MMRN2: variants seen among roughly 807,000 people sequenced by gnomAD.
MMRN2 encodes multimerin-2.
Under a neutral mutation model 68.8 loss-of-function variants are expected in MMRN2, and 53 were observed. The observed-to-expected ratio is 0.77, with a 90% CI of 0.62 to 0.97. The LOEUF (loss-of-function observed/expected upper bound fraction) is 0.97. Among genes scored for constraint, MMRN2 ranks in the 50% least tolerant of loss-of-function variants. The pLI is 0.00. For missense variants in MMRN2, 1,266 were observed against 1,259.5 expected, an observed-to-expected ratio of 1.01 and a Z score of -0.08; for synonymous variants, 564 against 551.6, an observed-to-expected ratio of 1.02 and a Z score of -0.32.
intron 6 of MMRN2, among the ~76,000 whole-genome samples, chr10:86,939,025 G>A (rs1843917865): frequency 6.6e-6 from 1 of 152,066 alleles, no homozygotes; most frequent in African/African-American, 2.4e-5. Flanking sequence ...AGCCAGGCGT[G>A]GTGGGGCATA....
intron 6 of MMRN2, among the ~76,000 whole-genome samples, chr10:86,941,824 AAAG>A (rs1328744735): frequency 7.6e-6 from 1 of 130,858 alleles, no homozygotes; most frequent in African/African-American, 2.9e-5. Flanking sequence ...AAGAAAAGAA[AAAG>A]AAAAAAAAAA....
At chr10:86,938,009 A>T (rs1016465542) in intron 6 of MMRN2, among the ~76,000 whole-genome samples, 2 of 152,284 alleles carry the variant, frequency 1.3e-5, no homozygotes, top group Non-Finnish European at 2.9e-5. Flanking sequence ...ATCATGGCTC[A>T]CTGCAGCCTC....
intron 6 of MMRN2, among the ~76,000 whole-genome samples, chr10:86,939,031 G>A (rs1843918014): frequency 6.6e-6 from 1 of 152,014 alleles, no homozygotes; most frequent in South Asian, 2.1e-4. Flanking sequence ...GCGTGGTGGG[G>A]CATACCTGTA....
In MMRN2 at chr10:86,942,703, A is replaced by C; in HGVS notation, c.2081T>G (p.Leu694Arg). The change falls in exon 6 of 7, where the codon CTG becomes CGG. Residue 694 changes from leucine (L) to arginine (R), a missense_variant. Leu to Arg is a moderately radical substitution (Grantham distance 102). Coordinates refer to ENST00000372027, the MANE Select transcript of MMRN2 (RefSeq NM_024756.3). ...CTGGAGCTCCCGCGCCAGCCCGGCCAGGGCGGTGGTGGCGGCCTCCTCGCG... is the reference window on the plus strand; with the variant it reads ...CTGGAGCTCCCGCGCCAGCCCGGCCCGGGCGGTGGTGGCGGCCTCCTCGCG... ...AGREEAATTA[L>R]AGLARELQSL... 1 of 1,525,554 alleles carries C rather than the reference A, an allele frequency of 6.6e-7. No individual in the cohort carries two copies. The highest frequency in any genetic ancestry group is 2.4e-5 in the East Asian group (1 of 41,422). The allele number at this position is 1,525,554 out of a possible 1,614,324, so 94.5% of individuals were successfully genotyped here.
rs376575577 is a variant in MMRN2 at position 86,943,814 on chromosome 10, G to A, written c.970C>T (p.Arg324Cys). Residue 324 changes from arginine (R) to cysteine (C), a missense_variant, in exon 6 of 7, where the codon CGC becomes TGC. Physicochemically the swap from Arg to Cys is radical, Grantham distance 180 (BLOSUM62 -3). Transcript: ENST00000372027. This position sits in a 1 kb window ranked among gnomAD's most constrained non-coding sequence, Gnocchi z 4.2. Reference sequence around the variant, plus strand: ...TCGGCTTGGAGCTCTGAGATCGAGCGGTGCAGGGTAAAGTGCTGGGCGTGC... The same window carrying A: ...TCGGCTTGGAGCTCTGAGATCGAGCAGTGCAGGGTAAAGTGCTGGGCGTGC... The part of the protein sequence containing the change: ...RLHAQHFTLH[R>C]SISELQADVD... 20 of 1,610,950 alleles carry A rather than the reference G, an allele frequency of 1.2e-5. No individual in the cohort carries two copies. The highest frequency in any genetic ancestry group is 2.7e-5 in the African/African-American group (2 of 74,930).
intron 1 of MMRN2, among the ~76,000 whole-genome samples, chr10:86,947,382 T>C (rs1844084767): frequency 6.6e-6 from 1 of 151,848 alleles, no homozygotes; most frequent in African/African-American, 2.4e-5. Flanking sequence ...ACTTTTTTTT[T>C]TTTGAGACGG....
At position 86,946,228 on chromosome 10, in the gene MMRN2, C is replaced by T. The variant is rs139134794; in HGVS notation, c.165-539G>A. Reference sequence around the variant, plus strand: ...TTCTCTTTCCCCATCTATACAATGGCGATCGTAATGCCCTCCTTTAAGTGG... The same window carrying T: ...TTCTCTTTCCCCATCTATACAATGGTGATCGTAATGCCCTCCTTTAAGTGG... On this transcript the variant is annotated intron_variant, in intron 1 of 6. Transcript: ENST00000372027. Among the ~76,000 whole-genome samples the T allele has an allele frequency of 3.3e-4, 50 of 152,330 alleles. No homozygotes were observed. In the East Asian group the frequency reaches 3.7e-3, roughly 11 times the overall value.
At position 86,937,070 on chromosome 10, in the gene MMRN2, T is replaced by C. The variant is rs768931481; in HGVS notation, c.2523A>G (p.Thr841=). 5.0e-6 allele frequency: 8 copies of C among 1,614,232 alleles called. No individual in the cohort carries two copies. The Admixed American group carries it at 1.2e-4, about 24-fold the overall frequency. ...TGATGTATGTGGTGTTGAACTTCACTGTCTGCAGGGCAGCCGTCCCTTCTG... is the reference window on the plus strand; with the variant it reads ...TGATGTATGTGGTGTTGAACTTCACCGTCTGCAGGGCAGCCGTCCCTTCTG... ...SFSEGTAALQ[T]VKFNTTYINI... is the part of the protein sequence containing the mutation. The change falls in exon 7 of 7, where the codon ACA becomes ACG. Residue 841 remains threonine (T), a synonymous_variant. Coordinates refer to ENST00000372027, the MANE Select transcript of MMRN2 (RefSeq NM_024756.3).
intron 1 of MMRN2, among the ~76,000 whole-genome samples, chr10:86,955,706 C>T (rs946447390): frequency 6.6e-6 from 1 of 152,190 alleles, no homozygotes; most frequent in African/African-American, 2.4e-5. Flanking sequence ...CCCAGGAAGC[C>T]GCGCGTTTCC....
At position 86,942,907 on chromosome 10, in the gene MMRN2, G is replaced by T. The variant is rs139300968; in HGVS notation, c.1877C>A (p.Thr626Lys). The change falls in exon 6 of 7, where the codon ACG becomes AAG. Residue 626 changes from threonine (T) to lysine (K), a missense_variant. Physicochemically the swap from Thr to Lys is moderately conservative, Grantham distance 78. Coordinates refer to ENST00000372027, the MANE Select transcript of MMRN2 (RefSeq NM_024756.3). ...EEVLEEMSEQ[T>K]PGPLPLSYEQ... ...GTAGCTCAGGGGCAGCGGTCCCGGC[G>T]TCTGCTCAGACATCTCCTCCAGCAC... The T allele has an allele frequency of 4.1e-6, 6 of 1,475,492 alleles. No homozygotes were observed. The African/African-American group carries it at 7.3e-5, about 18-fold the overall frequency. 91.4% of individuals were successfully genotyped at this position (1,475,492 alleles called of 1,614,324 possible).
rs1844028128 is a variant in MMRN2 at position 86,944,039 on chromosome 10, T to C, written c.745A>G (p.Asn249Asp). Residue 249 changes from asparagine to aspartate, a missense_variant, in exon 6 of 7, where the codon AAC becomes GAC. Coordinates refer to ENST00000372027, the MANE Select transcript of MMRN2 (RefSeq NM_024756.3). ...TGGGTAAGGCTGTGCAGGCTTTGGTTAAAGCTCCTCCAGATGGGGCTGAAA... is the reference window on the plus strand; with the variant it reads ...TGGGTAAGGCTGTGCAGGCTTTGGTCAAAGCTCCTCCAGATGGGGCTGAAA... ...VHFSPIWRSF[N>D]QSLHSLTQAI... 1 of 1,614,092 alleles carries C rather than the reference T, an allele frequency of 6.2e-7. No homozygotes were observed. Among genetic ancestry groups the C allele is most frequent in the South Asian group, 1.1e-5 (1 of 91,086 alleles).
chr10:86,939,839 TTGTGTGTGTG>T (rs1179394300), intron 6 of MMRN2, among the ~76,000 whole-genome samples: 3 of 120,290 alleles, frequency 2.5e-5, no homozygotes, highest in Non-Finnish European at 5.7e-5. Flanking sequence ...GTGTGTGTGT[TTGTGTGTGTG>T]TGTGTGTGTG....
chr10:86,941,152 G>A (rs1368105391), intron 6 of MMRN2, among the ~76,000 whole-genome samples: 1 of 152,226 alleles, frequency 6.6e-6, no homozygotes, highest in Non-Finnish European at 1.5e-5. Flanking sequence ...CCAGGAAGGG[G>A]ACTAGCACAG....
chr10:86,937,197 C>A (rs1843893181), intron 6 of MMRN2, 72 bp from the exon 7 acceptor site: 3 of 1,521,168 alleles, frequency 2.0e-6, no homozygotes, highest in Non-Finnish European at 2.7e-6. Flanking sequence ...ACCCTGAGAC[C>A]TACCGTCCTC....
At position 86,943,573 on chromosome 10, in the gene MMRN2, G is replaced by A. The variant is rs924666260; in HGVS notation, c.1211C>T (p.Thr404Ile). 1.3e-5 allele frequency: 21 copies of A among 1,614,134 alleles called. No individual in the cohort carries two copies. The highest frequency in any genetic ancestry group is 1.7e-5 in the Non-Finnish European group (20 of 1,180,024). Residue 404 changes from threonine to isoleucine, a missense_variant, in exon 6 of 7, where the codon ACC (threonine) becomes ATC (isoleucine). Transcript: ENST00000372027. This position sits in a 1 kb window ranked among gnomAD's most constrained non-coding sequence, Gnocchi z 4.2. ...LQYTLEDMRA[T>I]LTRHVDEIKE... ...GATCTCATCCACGTGCCGGGTCAGG[G>A]TGGCCCTCATGTCCTCCAGGGTGTA...
rs762579403 is a variant in MMRN2, at chr10:86,945,597, G to A, written c.257C>T (p.Pro86Leu). The change falls in exon 2 of 7, where the codon CCG becomes CTG. Residue 86 changes from proline to leucine, a missense_variant. Transcript: ENST00000372027. ...KFLIHSQQPC[P>L]QGAPDCQKVK... is the part of the protein sequence containing the mutation. ...TTTCTGGCAGTCTGGAGCTCCCTGC[G>A]GACACGGCTGCTGCGAGTGGATGAG... The A allele has an allele frequency of 9.3e-6, 15 of 1,610,196 alleles. No individual in the cohort carries two copies. The highest frequency in any genetic ancestry group is 3.4e-5 in the Admixed American group (2 of 59,398).
intron 1 of MMRN2, among the ~76,000 whole-genome samples, chr10:86,953,597 G>A (rs544572100): frequency 1.6e-4 from 25 of 152,248 alleles, no homozygotes; most frequent in African/African-American, 5.8e-4. Flanking sequence ...CTGGGTGGTG[G>A]GTGCTACTCA....
chr10:86,957,389 G>T lies in MMRN2; in HGVS notation c.153C>A (p.Asp51Glu). Residue 51 changes from aspartate (D) to glutamate (E), a missense_variant, in exon 1 of 7, where the codon GAC becomes GAA. By Grantham distance (45) the Asp-to-Glu change is conservative. Coordinates refer to ENST00000372027, the MANE Select transcript of MMRN2 (RefSeq NM_024756.3). ...CCAGGCCCTCTTACCGTCCTACGGG[G>T]TCCTTGCCGGTGTCCTCAGCCTCTG... is the stretch of plus-strand genomic sequence containing the variant. Reference protein sequence around the residue: ...WKAEAEDTGKDPVGRNWCPYP... With the variant: ...WKAEAEDTGKEPVGRNWCPYP... 4 of 1,613,240 alleles carry T rather than the reference G, an allele frequency of 2.5e-6. No homozygotes were observed. The South Asian group carries it at 3.3e-5, about 13-fold the overall frequency.
intron 1 of MMRN2, among the ~76,000 whole-genome samples, chr10:86,950,933 G>A (rs1449202785): frequency 6.6e-6 from 1 of 152,080 alleles, no homozygotes; most frequent in Non-Finnish European, 1.5e-5. Flanking sequence ...CTTTGGGGTA[G>A]GAATGAGATC....
Sources: allele counts gnomAD v4.1 joint callset (sites outside exome capture counted in the v4.1 genomes callset), GRCh38; gene constraint gnomAD v4.1.1; non-coding constraint Gnocchi (gnomAD v3.1); transcripts MANE v1.5; gene names NCBI Gene and HGNC (gene_info 2026-07-23, HGNC 2026-07-21).